DHX34: variants seen among roughly 807,000 people sequenced by gnomAD.
The protein encoded by DHX34 is DExH-box helicase 34, also known as probable ATP-dependent RNA helicase DHX34.
A neutral mutation model predicts 111.1 loss-of-function variants in DHX34; 96 were observed. That is an observed-to-expected ratio of 0.86 (90% CI 0.73 to 1.02). DHX34 has a LOEUF of 1.02. Ranked by LOEUF, DHX34 falls within the 50% of genes least tolerant of loss-of-function variation. The pLI, the probability that DHX34 is intolerant of heterozygous loss-of-function variation, is 0.00. For synonymous variants in DHX34, 688 were observed against 670.4 expected (o/e 1.03, Z -0.41); for missense variants, 1,560 against 1,579.9 (o/e 0.99, Z 0.21).
chr19:47,363,468 G>A (rs1969696331), intron 6 of DHX34, among the ~76,000 whole-genome samples: 3 of 152,014 alleles, frequency 2.0e-5, no homozygotes, highest in African/African-American at 7.2e-5. Context: ...GCCACTGAGG[G>A]GAACCCATCC....
In DHX34 at chr19:47,354,596, C is replaced by G. The variant is rs2547392; in HGVS notation, c.706-443C>G. Among the ~76,000 whole-genome samples, 483 of 152,258 alleles carry G rather than the reference C, an allele frequency of 3.2e-3. 1 individual carries two copies. The highest frequency in any genetic ancestry group is 0.011 in the African/African-American group (462 of 41,560). The stretch of plus-strand genomic sequence containing the variant: ...GGCAGAGGTGAGATTCAAACCCAAG[C>G]TGTTGGACTCCAGAGTCTGATGGGT... On this transcript the variant is annotated intron_variant, in intron 2 of 16. Transcript: ENST00000328771.
intron 7 of DHX34, among the ~76,000 whole-genome samples, chr19:47,371,939 C>T (rs1483342394): frequency 6.6e-6 from 1 of 151,700 alleles, no homozygotes; most frequent in African/African-American, 2.4e-5. Flanking sequence ...AGTTACTGGA[C>T]AGGTGGGCAA....
At position 47,375,591 on chromosome 19, in the gene DHX34, G is replaced by A. The variant is rs1193540762; in HGVS notation, c.2190G>A (p.Glu730=). The stretch of plus-strand genomic sequence containing the variant: ...ACCAGCTGAAACGCCAGCACGAGGA[G>A]GGCGCGGGGCGCAGGCGCAAGGTGC... ...ALHQLKRQHE[E]GAGRRRKVLR... The change falls in exon 10 of 17, where the codon GAG becomes GAA. Residue 730 remains glutamate (E), a synonymous_variant. Transcript: ENST00000328771. 1 of 1,546,058 alleles carries A rather than the reference G, an allele frequency of 6.5e-7. No homozygotes were observed.
Position 47,355,077 on chromosome 19 carries a change from G to T in DHX34, c.744G>T (p.Ala248=). ...YQIRFESTRS[A]ATKIVFLTVG... ...TCCGCTTTGAGAGCACACGTTCGGC[G>T]GCCACCAAGATTGTATTCCTGACAG... The change falls in exon 3 of 17, where the codon GCG becomes GCT. Residue 248 remains alanine (A), a synonymous_variant. Coordinates refer to ENST00000328771, the MANE Select transcript of DHX34 (RefSeq NM_014681.6). 1 of 1,613,560 alleles carries T rather than the reference G, an allele frequency of 6.2e-7. No individual in the cohort carries two copies. Among genetic ancestry groups the T allele is most frequent in the Non-Finnish European group, 8.5e-7 (1 of 1,179,956 alleles).
intron 15 of DHX34, 81 bp from the exon 16 acceptor site, chr19:47,381,105 T>G: frequency 6.3e-7 from 1 of 1,583,008 alleles, no homozygotes; most frequent in Non-Finnish European, 8.6e-7. Flanking sequence ...CCTGAGGGCT[T>G]CTGGGAAGGG....
At chr19:47,352,022 C>T (rs1427370509) in intron 1 of DHX34, among the ~76,000 whole-genome samples, 1 of 152,132 alleles carries the variant, frequency 6.6e-6, no homozygotes, top group East Asian at 1.9e-4. Context: ...GGTGAAGAAC[C>T]CTTGCCTTAT....
rs761929732 is a variant in DHX34, at chr19:47,382,440, C to G, written c.*327C>G. On this transcript the variant is annotated 3_prime_UTR_variant, in exon 17 of 17. Coordinates refer to ENST00000328771, the MANE Select transcript of DHX34 (RefSeq NM_014681.6). ...CAGGGACCTCCCATGTCTCCAGATT[C>G]CAGGTGCAGGTTCTTAGCACCTCCG... 2.1e-5 allele frequency: 6 copies of G among 290,926 alleles called. No homozygotes were observed. The highest frequency in any genetic ancestry group is 3.9e-5 in the Non-Finnish European group (6 of 153,302). 18.0% of individuals were successfully genotyped at this position (290,926 alleles called of 1,614,324 possible). A position where few individuals can be genotyped will look rare whatever the true frequency, so the allele number is the denominator to read the frequency against.
At chr19:47,365,008 A>T (rs1969748366) in intron 6 of DHX34, among the ~76,000 whole-genome samples, 1 of 152,034 alleles carries the variant, frequency 6.6e-6, no homozygotes, top group African/African-American at 2.4e-5. Context: ...GGCCACAGGA[A>T]CATTTTCTAG....
intron 2 of DHX34, among the ~76,000 whole-genome samples, chr19:47,354,694 A>G (rs1018532283): frequency 2.0e-5 from 3 of 152,118 alleles, no homozygotes; most frequent in African/African-American, 7.2e-5. Context: ...CTTGTTGCCC[A>G]GGCTGGAGTG....
chr19:47,353,813 C>T lies in DHX34; in HGVS notation c.705+78C>T. ...AGGTTGCTTGTCCATATGGCAGTAT[C>T]AATAAAAATGAAGCACTTACCCTTG... is the stretch of plus-strand genomic sequence containing the variant. On this transcript the variant is annotated intron_variant, in intron 2 of 16. Transcript: ENST00000328771. The surrounding 1 kb of genome is among the most constrained non-coding windows in gnomAD (Gnocchi z 4.6). 7.6e-7 allele frequency: 1 copy of T among 1,322,778 alleles called. No individual in the cohort carries two copies. The highest frequency in any genetic ancestry group is 1.0e-6 in the Non-Finnish European group (1 of 993,620). The allele number at this position is 1,322,778 out of a possible 1,614,324, so 81.9% of individuals were successfully genotyped here. A position where few individuals can be genotyped will look rare whatever the true frequency, so the allele number is the denominator to read the frequency against.
In DHX34 at chr19:47,353,123, T is replaced by G; in HGVS notation, c.93T>G (p.Asn31Lys). ...EEEALEKWDW[N>K]CPETRRLLED... is the part of the protein sequence containing the mutation. ...AGGCCTTGGAGAAATGGGACTGGAA[T>G]TGTCCAGAGACGCGTCGCCTCTTGG... The change falls in exon 2 of 17, where the codon AAT (asparagine) becomes AAG (lysine). Residue 31 changes from asparagine to lysine, a missense_variant. Transcript: ENST00000328771. The surrounding 1 kb of genome is among the most constrained non-coding windows in gnomAD (Gnocchi z 4.6). The G allele has an allele frequency of 6.2e-7, 1 of 1,614,156 alleles. No homozygotes were observed. The highest frequency in any genetic ancestry group is 8.5e-7 in the Non-Finnish European group (1 of 1,180,026).
rs925371253 is a variant in DHX34 at position 47,380,001 on chromosome 19, G to T, written c.2982+16G>T. 5.8e-6 allele frequency: 9 copies of T among 1,562,654 alleles called. No individual in the cohort carries two copies. Among genetic ancestry groups the T allele is most frequent in the Non-Finnish European group, 7.9e-6 (9 of 1,146,408 alleles). Reference sequence around the variant, plus strand: ...GGCATCCAAGGTACCCTCCACCAGGGTGCCCGTGCCTCCCTATGGCCAGAA... The same window carrying T: ...GGCATCCAAGGTACCCTCCACCAGGTTGCCCGTGCCTCCCTATGGCCAGAA... On this transcript the variant is annotated intron_variant, in intron 14 of 16. Transcript: ENST00000328771.
chr19:47,356,555 G>C (rs559178238), intron 3 of DHX34, among the ~76,000 whole-genome samples: 2 of 151,748 alleles, frequency 1.3e-5, no homozygotes, highest in Non-Finnish European at 2.9e-5. Context: ...GCTTGAACCC[G>C]GAGGTCGAGG....
chr19:47,362,424 G>C (rs1969658295), intron 5 of DHX34, 52 bp from the exon 6 acceptor site: 1 of 1,459,392 alleles, frequency 6.9e-7, no homozygotes, highest in African/African-American at 1.4e-5. Flanking sequence ...CGCGTGGCCA[G>C]CTGCACGTGG....
rs780075666 is a variant in DHX34 at position 47,372,824 on chromosome 19, CGCCCAGAGCA to C, written c.1872_1881del (p.Ser625AlafsTer28). 8 of 1,612,884 alleles carry C rather than the reference CGCCCAGAGCA, an allele frequency of 5.0e-6. No homozygotes were observed. The highest frequency in any genetic ancestry group is 2.7e-5 in the African/African-American group (2 of 74,946). ...GCGTCCAGTCGCCCTTCACCCGCAG[CGCCCAGAGCA>C]GCCCAGAGTGCGCGGCAGCACGGCG... On this transcript the variant is annotated frameshift_variant, in exon 8 of 17. Transcript: ENST00000328771. LOFTEE classifies it high-confidence loss of function.
At chr19:47,371,074 T>A (rs1470619664) in intron 7 of DHX34, among the ~76,000 whole-genome samples, 2 of 152,200 alleles carry the variant, frequency 1.3e-5, no homozygotes, top group African/African-American at 2.4e-5. Flanking sequence ...GGCGAAAGGC[T>A]CTGTGGACTT....
chr19:47,381,684 C>A, intron 16 of DHX34: 1 of 666,464 alleles, frequency 1.5e-6, no homozygotes, highest in Non-Finnish European at 2.4e-6. Flanking sequence ...CACTGGGGTT[C>A]AGTGGGGGAG....
Position 47,379,849 on chromosome 19 carries a change from G to A in DHX34, c.2846G>A (p.Arg949His), listed in dbSNP as rs372536674. 2.0e-5 allele frequency: 32 copies of A among 1,613,748 alleles called. No individual in the cohort carries two copies. The East Asian group carries it at 2.5e-4, about 12-fold the overall frequency. The change falls in exon 14 of 17, where the codon CGC becomes CAC. Residue 949 changes from arginine to histidine, a missense_variant. Coordinates refer to ENST00000328771, the MANE Select transcript of DHX34 (RefSeq NM_014681.6). Reference sequence around the variant, plus strand: ...GCGGCTTCCCTGCGGCTCCGTGCCCGCTGGGAAAGTGCCCTGGACCGGCAG... The same window carrying A: ...GCGGCTTCCCTGCGGCTCCGTGCCCACTGGGAAAGTGCCCTGGACCGGCAG... ...LLAASLRLRA[R>H]WESALDRQLA...
At chr19:47,374,005 G>T (rs980845047) in intron 9 of DHX34, among the ~76,000 whole-genome samples, 1 of 152,166 alleles carries the variant, frequency 6.6e-6, no homozygotes, top group Admixed American at 6.6e-5. Context: ...GGCAGCCTAC[G>T]GTTGTGGTTG....
Sources: gnomAD v4.1 joint callset for allele counts (sites outside exome capture counted in the v4.1 genomes callset) on GRCh38, gnomAD v4.1.1 for gene constraint, Gnocchi (gnomAD v3.1) non-coding constraint, MANE v1.5 for transcripts, NCBI Gene and HGNC (gene_info 2026-07-23, HGNC 2026-07-21) for gene names.